The following CCSER1 variants were observed in gnomAD, a reference collection of about 807,000 sequenced individuals.
CCSER1 encodes coiled-coil serine rich protein 1.
A neutral mutation model predicts 82.0 loss-of-function variants in CCSER1; 41 were observed. That is an observed-to-expected ratio of 0.50 (90% CI 0.39 to 0.65). The LOEUF (loss-of-function observed/expected upper bound fraction) is 0.65. Among genes scored for constraint, CCSER1 ranks in the 30% least tolerant of loss-of-function variants. The probability of loss-of-function intolerance (pLI) is 0.00; values close to 1 mark genes in which losing one functional copy is unlikely to be tolerated. For synonymous variants in CCSER1, 414 were observed against 383.9 expected (o/e 1.08, Z -0.92); for missense variants, 1,119 against 1,064.2 (o/e 1.05, Z -0.72).
intron 10 of CCSER1, among the ~76,000 whole-genome samples, chr4:91,591,970 T>C (rs1377798972): frequency 6.6e-6 from 1 of 152,160 alleles, no homozygotes; most frequent in East Asian, 1.9e-4. Flanking sequence ...GCCATTTTAA[T>C]AAGGAAAGTC....
chr4:90,343,784 A>G (rs571611832), intron 3 of CCSER1, among the ~76,000 whole-genome samples: 2 of 152,286 alleles, frequency 1.3e-5, no homozygotes, highest in South Asian at 4.1e-4. Context: ...ATATATATGT[A>G]TGAGGTACAT....
intron 5 of CCSER1, among the ~76,000 whole-genome samples, chr4:90,514,861 C>G (rs1772042335): frequency 6.6e-6 from 1 of 151,386 alleles, no homozygotes; most frequent in African/African-American, 2.4e-5. Flanking sequence ...TACATTATTA[C>G]ATAGTTAATT....
intron 10 of CCSER1, among the ~76,000 whole-genome samples, chr4:91,353,052 T>A (rs1266796042): frequency 6.6e-6 from 1 of 152,100 alleles, no homozygotes; most frequent in East Asian, 1.9e-4. Flanking sequence ...GGAATCGATG[T>A]GAAAACCTGG....
At chr4:90,844,575 C>A (rs146144959) in intron 8 of CCSER1, among the ~76,000 whole-genome samples, 149 of 151,710 alleles carry the variant, frequency 9.8e-4, no homozygotes, top group Admixed American at 2.6e-3. Flanking sequence ...GGTTACTAAC[C>A]CCCTTCCTTC....
At chr4:91,206,613 G>T (rs894937569) in intron 10 of CCSER1, among the ~76,000 whole-genome samples, 15 of 151,826 alleles carry the variant, frequency 9.9e-5, no homozygotes, top group African/African-American at 3.4e-4. Flanking sequence ...GAAGGGCTGG[G>T]GATTAGCAGG....
At chr4:90,314,110 T>A (rs951275262) in intron 3 of CCSER1, among the ~76,000 whole-genome samples, 1 of 152,168 alleles carries the variant, frequency 6.6e-6, no homozygotes, top group Non-Finnish European at 1.5e-5. Flanking sequence ...TTTTAATCGT[T>A]TTTTTCTGGT....
chr4:91,329,189 T>C (rs1385510663), intron 10 of CCSER1, among the ~76,000 whole-genome samples: 1 of 150,684 alleles, frequency 6.6e-6, no homozygotes, highest in African/African-American at 2.5e-5. Flanking sequence ...AGTTAAAATA[T>C]CTGTGAAAAA....
At chr4:90,227,698 T>G (rs1343259763) in intron 1 of CCSER1, among the ~76,000 whole-genome samples, 1 of 152,202 alleles carries the variant, frequency 6.6e-6, no homozygotes, top group Non-Finnish European at 1.5e-5. Context: ...TTCTGCATTT[T>G]CGTCTGAGGT....
At chr4:90,930,969 C>T (rs75780910) in intron 9 of CCSER1, among the ~76,000 whole-genome samples, 59,833 of 119,970 alleles carry the variant, frequency 0.5, 13,425 homozygotes, top group African/African-American at 0.65. Context: ...ATACATGATA[C>T]ATATATGTAC....
intron 6 of CCSER1, among the ~76,000 whole-genome samples, chr4:90,660,018 A>G (rs1264301096): frequency 1.3e-5 from 2 of 151,960 alleles, no homozygotes; most frequent in Non-Finnish European, 2.9e-5. Flanking sequence ...AGTAAAAAAA[A>G]AAAACCTTAA....
At chr4:90,603,694 T>G (rs1385538936) in intron 5 of CCSER1, among the ~76,000 whole-genome samples, 1 of 152,206 alleles carries the variant, frequency 6.6e-6, no homozygotes, top group African/African-American at 2.4e-5. Context: ...ACTGGATAGA[T>G]GCCTAGAAAC....
chr4:91,236,111 C>G (rs537893910), intron 10 of CCSER1, among the ~76,000 whole-genome samples: 47 of 152,164 alleles, frequency 3.1e-4, no homozygotes, highest in Non-Finnish European at 5.1e-4. Context: ...ACAAATATCA[C>G]TTAGAATTAG....
At chr4:90,998,601 TC>T (rs1737714783) in intron 9 of CCSER1, among the ~76,000 whole-genome samples, 1 of 152,204 alleles carries the variant, frequency 6.6e-6, no homozygotes, top group South Asian at 2.1e-4. Context: ...TAAAATTTAT[TC>T]TTAATTGCTC....
intron 3 of CCSER1, among the ~76,000 whole-genome samples, chr4:90,327,578 C>T (rs1738452734): frequency 6.6e-6 from 1 of 152,202 alleles, no homozygotes; most frequent in South Asian, 2.1e-4. Context: ...ACTTGCCATA[C>T]TCATTTTCTC....
At chr4:91,097,512 T>C (rs1724625264) in intron 10 of CCSER1, among the ~76,000 whole-genome samples, 1 of 152,216 alleles carries the variant, frequency 6.6e-6, no homozygotes, top group African/African-American at 2.4e-5. Context: ...AAAAGGTTAA[T>C]ATTGGTACAC....
rs1416797817 is a variant in CCSER1, at chr4:90,391,463, TATATATATATATATATATATATAC to T, written c.1510-8571_1510-8548del. On this transcript the variant is annotated intron_variant, in intron 3 of 10. Transcript: ENST00000509176. ...ATGGGGGTATATATATATATATATA[TATATATATATATATATATATATAC>T]ACACACACAGTGGGTAAATATATAT... Among the ~76,000 whole-genome samples, 28 of 88,048 alleles carry T rather than the reference TATATATATATATATATATATATAC, an allele frequency of 3.2e-4. 1 individual carries two copies. The highest frequency in any genetic ancestry group is 1.8e-3 in the African/African-American group (27 of 15,138). 57.8% of individuals were successfully genotyped at this position (88,048 alleles called of 152,430 possible).
intron 3 of CCSER1, among the ~76,000 whole-genome samples, chr4:90,382,470 C>T (rs1231230124): frequency 1.3e-5 from 2 of 152,022 alleles, no homozygotes; most frequent in Admixed American, 6.6e-5. Flanking sequence ...TACTTCCAAA[C>T]TACTCATGTT....
chr4:91,042,790 A>C (rs1030082110), intron 9 of CCSER1, among the ~76,000 whole-genome samples: 2 of 152,300 alleles, frequency 1.3e-5, no homozygotes, highest in South Asian at 2.1e-4. Context: ...GGGGGGAAAA[A>C]GTACGTGAAA....
At chr4:91,243,500 G>A (rs955427517) in intron 10 of CCSER1, among the ~76,000 whole-genome samples, 1 of 152,170 alleles carries the variant, frequency 6.6e-6, no homozygotes, top group African/African-American at 2.4e-5. Flanking sequence ...AGCAATGAAA[G>A]TGACTCATTC....
Sources: gnomAD v4.1 joint callset for allele counts (sites outside exome capture counted in the v4.1 genomes callset) on GRCh38, gnomAD v4.1.1 for gene constraint, MANE v1.5 for transcripts, NCBI Gene and HGNC (gene_info 2026-07-23, HGNC 2026-07-21) for gene names.